Variants in KIAA1671 observed in about 807,000 individuals in gnomAD.
KIAA1671 encodes KIAA1671, also known as uncharacterized protein KIAA1671.
Under a neutral mutation model 131.2 loss-of-function variants are expected in KIAA1671, and 52 were observed. That is an observed-to-expected ratio of 0.40 (90% CI 0.32 to 0.50). KIAA1671 has a LOEUF of 0.50. Ranked by LOEUF, KIAA1671 falls within the 20% of genes least tolerant of loss-of-function variation. The pLI is 0.73. For missense variants in KIAA1671, 2,360 were observed against 2,364.2 expected (o/e 1.00, Z 0.04); for synonymous variants, 1,003 against 961.6 (o/e 1.04, Z -0.80).
chr22:25,144,789 C>T (rs1181410666), intron 6 of KIAA1671, among the ~76,000 whole-genome samples: 1 of 152,218 alleles, frequency 6.6e-6, no homozygotes, highest in African/African-American at 2.4e-5. Context: ...TCAAGCCTGT[C>T]TACACCAGGG....
chr22:24,967,352 A>C (rs1394872629), intron 1 of KIAA1671, among the ~76,000 whole-genome samples: 1 of 152,136 alleles, frequency 6.6e-6, no homozygotes, highest in African/African-American at 2.4e-5. Flanking sequence ...CAATGTCATA[A>C]GCTTGGGGTA....
At chr22:25,016,169 C>T (rs978182866) in intron 1 of KIAA1671, among the ~76,000 whole-genome samples, 52 of 152,112 alleles carry the variant, frequency 3.4e-4, no homozygotes, top group African/African-American at 1.1e-3. Flanking sequence ...TACAGGCATG[C>T]GCCACCAAGC....
At chr22:24,969,453 A>G (rs1247502160) in intron 1 of KIAA1671, among the ~76,000 whole-genome samples, 1 of 151,936 alleles carries the variant, frequency 6.6e-6, no homozygotes, top group Non-Finnish European at 1.5e-5. Context: ...AATAATGACA[A>G]AAAAAAACCT....
At position 24,992,088 on chromosome 22, in the gene KIAA1671, C is replaced by T. The variant is rs1408387920; in HGVS notation, c.-207-33545C>T. ...TCATGCCTACACTGGCAGACACCGC[C>T]CTTGGCATAACTGGCTGCGCCTGAA... On this transcript the variant is annotated intron_variant, in intron 1 of 12. Transcript: ENST00000358431. 5.3e-5 allele frequency among the ~76,000 whole-genome samples: 8 copies of T among 152,114 alleles called. 1 individual carries two copies. Among genetic ancestry groups the T allele is most frequent in the Admixed American group, 5.2e-4 (8 of 15,268 alleles).
intron 6 of KIAA1671, among the ~76,000 whole-genome samples, chr22:25,075,120 A>G (rs747589411): frequency 6.6e-6 from 1 of 152,188 alleles, no homozygotes; most frequent in Non-Finnish European, 1.5e-5. Context: ...TAAACTCCAG[A>G]CTAAATTCCA....
intron 6 of KIAA1671, among the ~76,000 whole-genome samples, chr22:25,155,417 GTGTA>G (rs1933196156): frequency 6.6e-6 from 1 of 151,946 alleles, no homozygotes; most frequent in Non-Finnish European, 1.5e-5. Flanking sequence ...CTATGTATTT[GTGTA>G]TGTGTGTGTG....
chr22:25,029,445 G>T lies in KIAA1671; in HGVS notation c.1446G>T (p.Arg482=). ...AAGGGGTTGTGAGCGTTCAGGAACG[G>T]ATCAGAGGCTGGACTGCCGAGAGCT... The part of the protein sequence containing the change: ...PEKGVVSVQE[R]IRGWTAESSE... Residue 482 remains arginine (R), a synonymous_variant, in exon 3 of 13, where the codon CGG becomes CGT. Transcript: ENST00000358431. 2 of 1,551,364 alleles carry T rather than the reference G, an allele frequency of 1.3e-6. No individual in the cohort carries two copies. Among genetic ancestry groups the T allele is most frequent in the Non-Finnish European group, 8.7e-7 (1 of 1,146,836 alleles).
chr22:25,008,395 C>G (rs1328293752), intron 1 of KIAA1671, among the ~76,000 whole-genome samples: 2 of 151,912 alleles, frequency 1.3e-5, no homozygotes, highest in Non-Finnish European at 1.5e-5. Flanking sequence ...AATTCACCAC[C>G]CTGTAAAATG....
chr22:25,045,445 C>T (rs1209077759), intron 5 of KIAA1671, among the ~76,000 whole-genome samples: 2 of 152,200 alleles, frequency 1.3e-5, no homozygotes, highest in African/African-American at 4.8e-5. Flanking sequence ...GCAAAGAATG[C>T]TCCAGCCCCA....
At chr22:24,985,755 T>C (rs984989525) in intron 1 of KIAA1671, among the ~76,000 whole-genome samples, 3 of 151,502 alleles carry the variant, frequency 2.0e-5, no homozygotes, top group Non-Finnish European at 4.4e-5. Context: ...TGTATGTGTG[T>C]GTGTGTGTGT....
intron 6 of KIAA1671, among the ~76,000 whole-genome samples, chr22:25,093,190 G>A (rs542970983): frequency 6.6e-6 from 1 of 152,284 alleles, no homozygotes; most frequent in African/African-American, 2.4e-5. Flanking sequence ...TTACAGATGA[G>A]GAGACTGAAA....
intron 6 of KIAA1671, among the ~76,000 whole-genome samples, chr22:25,162,956 A>G (rs1933496394): frequency 6.6e-6 from 1 of 152,144 alleles, no homozygotes; most frequent in African/African-American, 2.4e-5. Context: ...TTAACTTATG[A>G]TGTGTACATA....
Position 25,039,726 on chromosome 22 carries a change from G to A in KIAA1671, c.2596G>A (p.Gly866Arg). The A allele has an allele frequency of 2.0e-6, 3 of 1,503,144 alleles. No homozygotes were observed. Among genetic ancestry groups the A allele is most frequent in the Non-Finnish European group, 2.7e-6 (3 of 1,120,666 alleles). The allele number at this position is 1,503,144 out of a possible 1,614,324, so 93.1% of individuals were successfully genotyped here. The change falls in exon 5 of 13, where the codon GGG becomes AGG. Residue 866 changes from glycine (G) to arginine (R), a missense_variant. Gly to Arg is a moderately radical substitution (Grantham distance 125). Coordinates refer to ENST00000358431, the MANE Select transcript of KIAA1671 (RefSeq NM_001145206.2). ...IWESQHEGPE[G>R]ARSKPGVGAR... ...GGAAAGCCAGCATGAGGGGCCAGAGGGGGCCAGAAGCAAGCCAGGAGTGGG... is the reference window on the plus strand; with the variant it reads ...GGAAAGCCAGCATGAGGGGCCAGAGAGGGCCAGAAGCAAGCCAGGAGTGGG...
At chr22:25,103,860 C>G (rs1457217337) in intron 6 of KIAA1671, among the ~76,000 whole-genome samples, 9 of 152,198 alleles carry the variant, frequency 5.9e-5, no homozygotes, top group Admixed American at 5.9e-4. Flanking sequence ...ACTAATACGA[C>G]TCACGCTCAA....
chr22:25,069,291 G>T (rs1047869000), intron 6 of KIAA1671, among the ~76,000 whole-genome samples: 3 of 152,220 alleles, frequency 2.0e-5, no homozygotes, highest in African/African-American at 7.2e-5. Context: ...TTTACAGAAG[G>T]GGTAACTGAG....
chr22:24,992,814 CA>C (rs761181079), intron 1 of KIAA1671, among the ~76,000 whole-genome samples: 2,064 of 57,118 alleles, frequency 0.036, 21 homozygotes, highest in African/African-American at 0.14. Flanking sequence ...GACTCCGTCT[CA>C]AAAAAAAAAA....
At chr22:25,125,537 A>G (rs946961211) in intron 6 of KIAA1671, among the ~76,000 whole-genome samples, 1 of 152,164 alleles carries the variant, frequency 6.6e-6, no homozygotes, top group African/African-American at 2.4e-5. Flanking sequence ...CCTGAGAGGT[A>G]CCATGGTGTA....
At position 25,196,197 on chromosome 22, in the gene KIAA1671, C is replaced by T. The variant is rs1934821244; in HGVS notation, c.*3796C>T. On this transcript the variant is annotated 3_prime_UTR_variant, in exon 13 of 13. Transcript: ENST00000358431. ...AAATTGGCTCCTGCAGGGGGAAGGG[C>T]AGAAAGCTAGGCCCTCTGCTCTGGA... The T allele has an allele frequency of 6.6e-6, 1 of 152,122 alleles. No homozygotes were observed. The highest frequency in any genetic ancestry group is 1.5e-5 in the Non-Finnish European group (1 of 68,042). 9.4% of individuals were successfully genotyped at this position (152,122 alleles called of 1,614,324 possible). A position where few individuals can be genotyped will look rare whatever the true frequency, so the allele number is the denominator to read the frequency against.
intron 6 of KIAA1671, among the ~76,000 whole-genome samples, chr22:25,139,053 G>GA (rs1216030500): frequency 6.6e-6 from 1 of 152,242 alleles, no homozygotes; most frequent in African/African-American, 2.4e-5. Flanking sequence ...GACCCCAACT[G>GA]AGAAGTAGTG....
Sources: allele counts gnomAD v4.1 joint callset (sites outside exome capture counted in the v4.1 genomes callset), GRCh38; gene constraint gnomAD v4.1.1; transcripts MANE v1.5; gene names NCBI Gene and HGNC (gene_info 2026-07-23, HGNC 2026-07-21).